The following ITPK1 variants were observed in gnomAD, a reference collection of about 807,000 sequenced individuals.
The protein encoded by ITPK1 is inositol 1,3,4-trisphosphate 5/6-kinase.
In ITPK1, 21 loss-of-function variants were observed where a neutral mutation model predicts 45.3. That is an observed-to-expected ratio of 0.46 (90% CI 0.33 to 0.67). The LOEUF (loss-of-function observed/expected upper bound fraction) is 0.67. Ranked by LOEUF, ITPK1 falls within the 30% of genes least tolerant of loss-of-function variation. The pLI is 0.02. For missense variants in ITPK1, 474 were observed against 573.5 expected (o/e 0.83, Z 1.77); for synonymous variants, 258 against 253.6 (o/e 1.02, Z -0.16).
At chr14:93,093,323 C>G (rs1169305594) in intron 2 of ITPK1, among the ~76,000 whole-genome samples, 1 of 152,236 alleles carries the variant, frequency 6.6e-6, no homozygotes, top group African/African-American at 2.4e-5. Context: ...CCTGCCCCAG[C>G]GGCCAGGCCG....
intron 3 of ITPK1, among the ~76,000 whole-genome samples, chr14:93,051,806 A>T (rs1308265218): frequency 6.6e-6 from 1 of 152,244 alleles, no homozygotes; most frequent in Non-Finnish European, 1.5e-5. Flanking sequence ...GGAAGACAGC[A>T]GATTGGGCGG....
chr14:93,056,049 G>C (rs571322030), intron 3 of ITPK1, among the ~76,000 whole-genome samples: 7 of 152,218 alleles, frequency 4.6e-5, no homozygotes, highest in Non-Finnish European at 8.8e-5. Flanking sequence ...CCCGGTCTGG[G>C]GAAAGGAGGG....
At chr14:92,961,752 C>T (rs983950602) in intron 7 of ITPK1, among the ~76,000 whole-genome samples, 2 of 152,232 alleles carry the variant, frequency 1.3e-5, no homozygotes, top group Non-Finnish European at 2.9e-5. Context: ...AATTCCTACG[C>T]TGAAGCCCAT....
intron 5 of ITPK1, among the ~76,000 whole-genome samples, chr14:92,972,245 A>G (rs957928026): frequency 3.9e-5 from 6 of 152,178 alleles, no homozygotes; most frequent in African/African-American, 7.2e-5. Flanking sequence ...CCAAGTTGAT[A>G]TTGAAGCCCC....
chr14:92,976,276 G>A (rs1314587737), intron 5 of ITPK1, among the ~76,000 whole-genome samples: 1 of 152,130 alleles, frequency 6.6e-6, no homozygotes, highest in Admixed American at 6.5e-5. Flanking sequence ...TTATGAAGTA[G>A]ACCCTAAATG....
At position 93,034,117 on chromosome 14, in the gene ITPK1, C is replaced by T. The variant is rs1889200004; in HGVS notation, c.121-17316G>A. Among the ~76,000 whole-genome samples the T allele has an allele frequency of 6.6e-6, 1 of 152,122 alleles. No homozygotes were observed. The highest frequency in any genetic ancestry group is 1.5e-5 in the Non-Finnish European group (1 of 68,004). ...AGCCCCAAAAGCCGTCTAATACTTC[C>T]CCATGGGTCCCTGGTAAGCCCTGCC... On this transcript the variant is annotated intron_variant, in intron 3 of 10. Transcript: ENST00000267615. The surrounding 1 kb of genome is among the most constrained non-coding windows in gnomAD (Gnocchi z 4.1).
At chr14:92,955,067 G>A (rs961308361) in intron 8 of ITPK1, among the ~76,000 whole-genome samples, 2 of 152,186 alleles carry the variant, frequency 1.3e-5, no homozygotes, top group African/African-American at 2.4e-5. Context: ...ACGCAGGGCT[G>A]GGCACATGGT....
Position 92,939,346 on chromosome 14 carries a change from C to T in ITPK1, c.*2215G>A, listed in dbSNP as rs1416799616. On this transcript the variant is annotated 3_prime_UTR_variant, in exon 11 of 11. Coordinates refer to ENST00000267615, the MANE Select transcript of ITPK1 (RefSeq NM_014216.6). ...GGATCAAAGATGGTCAGCGTGCACC[C>T]TTAGGGTACGTTTAGCGAGCTGGGC... 6.6e-6 allele frequency: 1 copy of T among 152,320 alleles called. No individual in the cohort carries two copies. Among genetic ancestry groups the T allele is most frequent in the African/African-American group, 2.4e-5 (1 of 41,442 alleles). 9.4% of individuals were successfully genotyped at this position (152,320 alleles called of 1,614,324 possible).
In ITPK1 at chr14:92,938,526, C is replaced by T. The variant is rs747476670; in HGVS notation, c.*3035G>A. 1 of 1,612,422 alleles carries T rather than the reference C, an allele frequency of 6.2e-7. No individual in the cohort carries two copies. Among genetic ancestry groups the T allele is most frequent in the Non-Finnish European group, 8.5e-7 (1 of 1,178,448 alleles). ...TTCTATAAAGCACACTTGGCAGTCC[C>T]CTGGGTACAGAGAGGAATGTTTTTC... On this transcript the variant is annotated 3_prime_UTR_variant, in exon 11 of 11. Transcript: ENST00000267615.
intron 4 of ITPK1, among the ~76,000 whole-genome samples, chr14:93,006,101 C>T (rs1016571011): frequency 3.3e-5 from 5 of 152,112 alleles, no homozygotes; most frequent in Middle Eastern, 3.2e-3. Context: ...CAAACTTGTT[C>T]CAAATGCATG....
chr14:93,093,035 C>T (rs1050384661), intron 2 of ITPK1, among the ~76,000 whole-genome samples: 5 of 152,192 alleles, frequency 3.3e-5, no homozygotes, highest in African/African-American at 1.2e-4. Flanking sequence ...TTCACAATGA[C>T]GCCCCCAGCT....
At chr14:92,962,472 G>T in intron 6 of ITPK1, 77 bp from the exon 7 acceptor site, 1 of 986,312 alleles carries the variant, frequency 1.0e-6, no homozygotes, top group South Asian at 1.3e-5. Flanking sequence ...GGCACGTCTA[G>T]AAAGGAACTC....
intron 3 of ITPK1, among the ~76,000 whole-genome samples, chr14:93,052,522 C>G (rs1015068871): frequency 2.0e-5 from 3 of 152,096 alleles, no homozygotes; most frequent in Admixed American, 6.6e-5. Context: ...TTGTTCTTAC[C>G]CTGGGGGCCT....
rs1490795470 is a variant in ITPK1, at chr14:92,964,280, T to C, written c.365-1431A>G. On this transcript the variant is annotated intron_variant, in intron 5 of 10. Coordinates refer to ENST00000267615, the MANE Select transcript of ITPK1 (RefSeq NM_014216.6). Reference sequence around the variant, plus strand: ...GCCCTCTGCACAGAGGCCTGTTCAATCCCAAGCGGTCCCTGACAGTGTCCA... The same window carrying C: ...GCCCTCTGCACAGAGGCCTGTTCAACCCCAAGCGGTCCCTGACAGTGTCCA... 3.3e-5 allele frequency among the ~76,000 whole-genome samples: 5 copies of C among 151,908 alleles called. No individual in the cohort carries two copies. The East Asian group carries it at 9.7e-4, about 29-fold the overall frequency.
intron 3 of ITPK1, among the ~76,000 whole-genome samples, chr14:93,027,971 T>A (rs373565380): frequency 6.6e-6 from 1 of 152,186 alleles, no homozygotes; most frequent in African/African-American, 2.4e-5. Flanking sequence ...AAGGGGCTGG[T>A]CCTTGGCTTT....
At chr14:92,978,109 C>T (rs1300895648) in intron 5 of ITPK1, among the ~76,000 whole-genome samples, 1 of 151,956 alleles carries the variant, frequency 6.6e-6, no homozygotes, top group Non-Finnish European at 1.5e-5. Flanking sequence ...GAGGAACTTA[C>T]TGGAAACTGG....
At chr14:93,087,666 A>AC (rs1335992334) in intron 2 of ITPK1, among the ~76,000 whole-genome samples, 4 of 152,166 alleles carry the variant, frequency 2.6e-5, no homozygotes, top group African/African-American at 9.7e-5. Flanking sequence ...GCCCACCACA[A>AC]CCCCAAGGCT....
chr14:92,940,613 T>C lies in ITPK1; in HGVS notation c.*948A>G. 5 of 1,212,614 alleles carry C rather than the reference T, an allele frequency of 4.1e-6. No homozygotes were observed. The highest frequency in any genetic ancestry group is 5.3e-6 in the Non-Finnish European group (5 of 951,890). The allele number at this position is 1,212,614 out of a possible 1,614,324, so 75.1% of individuals were successfully genotyped here. A position where few individuals can be genotyped will look rare whatever the true frequency, so the allele number is the denominator to read the frequency against. On this transcript the variant is annotated 3_prime_UTR_variant, in exon 11 of 11. Coordinates refer to ENST00000267615, the MANE Select transcript of ITPK1 (RefSeq NM_014216.6). The stretch of plus-strand genomic sequence containing the variant: ...GGTGTCATGCCGAGGCTCCCGCGCC[T>C]ATCCTCACCTAGGTGACTTTATGGA...
At chr14:92,953,107 C>T (rs543845499) in intron 8 of ITPK1, among the ~76,000 whole-genome samples, 3 of 152,380 alleles carry the variant, frequency 2.0e-5, no homozygotes, top group South Asian at 2.1e-4. Flanking sequence ...AGGGCCGCTG[C>T]GTGCTGGGGG....
Sources: allele counts gnomAD v4.1 joint callset (sites outside exome capture counted in the v4.1 genomes callset), GRCh38; gene constraint gnomAD v4.1.1; non-coding constraint Gnocchi (gnomAD v3.1); transcripts MANE v1.5; gene names NCBI Gene and HGNC (gene_info 2026-07-23, HGNC 2026-07-21).